The following NCKAP1 variants were observed in gnomAD, a reference collection of about 807,000 sequenced individuals.
The protein encoded by NCKAP1 is nck-associated protein 1.
A neutral mutation model predicts 151.2 loss-of-function variants in NCKAP1; 21 were observed. That is an observed-to-expected ratio of 0.14 (90% CI 0.10 to 0.20). The LOEUF (loss-of-function observed/expected upper bound fraction) is 0.20, where lower values mean the gene tolerates loss of function less well. Among genes scored for constraint, NCKAP1 ranks in the 10% least tolerant of loss-of-function variants. NCKAP1 has a pLI of 1.00. For synonymous variants in NCKAP1, 484 were observed against 451.8 expected (o/e 1.07, Z -0.90); for missense variants, 933 against 1,352.1 (o/e 0.69, Z 4.86).
At chr2:182,942,471 A>T (rs1248014860) in intron 23 of NCKAP1, among the ~76,000 whole-genome samples, 1 of 152,122 alleles carries the variant, frequency 6.6e-6, no homozygotes, top group Non-Finnish European at 1.5e-5. Flanking sequence ...AATAAAAAGT[A>T]GACACTAAAA....
At chr2:182,955,618 G>T (rs991589759) in intron 20 of NCKAP1, among the ~76,000 whole-genome samples, 2 of 152,050 alleles carry the variant, frequency 1.3e-5, no homozygotes, top group Non-Finnish European at 1.5e-5. Flanking sequence ...AACATGTAAG[G>T]GTTCATCTAG....
chr2:182,979,024 AT>A, intron 13 of NCKAP1, 109 bp from the exon 14 acceptor site: 1 of 505,624 alleles, frequency 2.0e-6, no homozygotes, highest in Non-Finnish European at 3.5e-6. Flanking sequence ...ACTATGGAAT[AT>A]TTTTCAGTAA....
At chr2:183,009,475 G>GAAGCAAGGAAGCAAGC (rs1698548694) in intron 2 of NCKAP1, among the ~76,000 whole-genome samples, 2 of 100,226 alleles carry the variant, frequency 2.0e-5, no homozygotes, top group African/African-American at 8.2e-5. Flanking sequence ...AGGAAGGAAG[G>GAAGCAAGGAAGCAAGC]AAGCAAGCAA....
intron 1 of NCKAP1, among the ~76,000 whole-genome samples, chr2:183,029,074 G>A (rs1033233400): frequency 6.6e-5 from 10 of 151,900 alleles, no homozygotes; most frequent in South Asian, 2.1e-4. Flanking sequence ...CCAAGATCGC[G>A]CCACTGCACT....
intron 2 of NCKAP1, among the ~76,000 whole-genome samples, chr2:183,010,440 C>T (rs1350382218): frequency 1.3e-5 from 2 of 152,208 alleles, no homozygotes; most frequent in Non-Finnish European, 2.9e-5. Flanking sequence ...AACCTAAAAC[C>T]AGTGAGACCA....
chr2:182,935,651 A>G lies in NCKAP1; in HGVS notation c.2696-276T>C, dbSNP rs547928024. On this transcript the variant is annotated intron_variant, in intron 24 of 30. Coordinates refer to ENST00000361354, the MANE Select transcript of NCKAP1 (RefSeq NM_013436.5). ...GATGGTTCACAAGTAGCTAACTATAAATTATATTTATAATATAACTTTATA... is the reference window on the plus strand; with the variant it reads ...GATGGTTCACAAGTAGCTAACTATAGATTATATTTATAATATAACTTTATA... 1.7e-5 allele frequency: 3 copies of G among 177,362 alleles called. No homozygotes were observed. The East Asian group carries it at 4.1e-4, about 24-fold the overall frequency. The allele number at this position is 177,362 out of a possible 1,614,324, so 11.0% of individuals were successfully genotyped here. A position where few individuals can be genotyped will look rare whatever the true frequency, so the allele number is the denominator to read the frequency against.
chr2:182,926,928 A>T, intron 29 of NCKAP1, 23 bp from the exon 30 acceptor site: 1 of 1,490,678 alleles, frequency 6.7e-7, no homozygotes, highest in Non-Finnish European at 9.2e-7. Context: ...CATACACATA[A>T]AGTGAGTTTG....
intron 18 of NCKAP1, among the ~76,000 whole-genome samples, chr2:182,958,787 T>C (rs1276763334): frequency 6.6e-6 from 1 of 152,032 alleles, no homozygotes; most frequent in Non-Finnish European, 1.5e-5. Context: ...AGCAGGCAAA[T>C]GAGAAATAAG....
At chr2:183,014,585 T>C (rs762963120) in intron 2 of NCKAP1, among the ~76,000 whole-genome samples, 11 of 152,238 alleles carry the variant, frequency 7.2e-5, no homozygotes, top group Admixed American at 5.9e-4. Flanking sequence ...GGACCATTAA[T>C]GTACCTATTT....
intron 2 of NCKAP1, among the ~76,000 whole-genome samples, chr2:183,007,411 C>A (rs1279326198): frequency 6.6e-6 from 1 of 152,122 alleles, no homozygotes; most frequent in Non-Finnish European, 1.5e-5. Flanking sequence ...GAAGCATTTT[C>A]CACACAAATA....
At chr2:182,984,167 A>G (rs1260905410) in intron 10 of NCKAP1, among the ~76,000 whole-genome samples, 1 of 152,196 alleles carries the variant, frequency 6.6e-6, no homozygotes, top group Non-Finnish European at 1.5e-5. Flanking sequence ...TATTAAATAT[A>G]CAAAACTGAA....
At position 182,925,534 on chromosome 2, in the gene NCKAP1, TA is replaced by T; in HGVS notation, c.*167del. On this transcript the variant is annotated 3_prime_UTR_variant, in exon 31 of 31. Transcript: ENST00000361354. ...ATGTGCAACCTAAATCAACCAAGTATACTGTAGTACAACCATATTAAGAAAC... is the reference window on the plus strand; with the variant it reads ...ATGTGCAACCTAAATCAACCAAGTATCTGTAGTACAACCATATTAAGAAAC... The T allele has an allele frequency of 5.1e-6, 2 of 394,666 alleles. No individual in the cohort carries two copies. Among genetic ancestry groups the T allele is most frequent in the Non-Finnish European group, 4.7e-6 (1 of 211,798 alleles). 24.4% of individuals were successfully genotyped at this position (394,666 alleles called of 1,614,324 possible). A position where few individuals can be genotyped will look rare whatever the true frequency, so the allele number is the denominator to read the frequency against.
chr2:182,946,702 T>G (rs138102661), intron 23 of NCKAP1, among the ~76,000 whole-genome samples: 366 of 123,670 alleles, frequency 3.0e-3, no homozygotes, highest in Admixed American at 6.5e-3. Flanking sequence ...AGAAATCCAC[T>G]CAAGTCAGAG....
At position 182,915,169 on chromosome 2, in the gene NCKAP1, A is replaced by C. The variant is rs1696447698; in HGVS notation, c.*10533T>G. The C allele has an allele frequency of 6.6e-6, 1 of 152,250 alleles. No individual in the cohort carries two copies. Among genetic ancestry groups the C allele is most frequent in the African/African-American group, 2.4e-5 (1 of 41,474 alleles). The allele number at this position is 152,250 out of a possible 1,614,324, so 9.4% of individuals were successfully genotyped here. Reference sequence around the variant, plus strand: ...ATACAATGAAGTTAATAAATGAAGCAAAGCAGATTTCTAGACTAGGCTTCA... The same window carrying C: ...ATACAATGAAGTTAATAAATGAAGCCAAGCAGATTTCTAGACTAGGCTTCA... On this transcript the variant is annotated 3_prime_UTR_variant, in exon 31 of 31. Coordinates refer to ENST00000361354, the MANE Select transcript of NCKAP1 (RefSeq NM_013436.5).
intron 1 of NCKAP1, among the ~76,000 whole-genome samples, chr2:183,031,943 C>T (rs960924141): frequency 6.6e-6 from 1 of 151,976 alleles, no homozygotes; most frequent in Non-Finnish European, 1.5e-5. Context: ...TAGTTATAAC[C>T]CAGACAACTA....
At position 182,982,805 on chromosome 2, in the gene NCKAP1, A is replaced by G; in HGVS notation, c.1208+16T>C. 1 of 1,525,832 alleles carries G rather than the reference A, an allele frequency of 6.6e-7. No individual in the cohort carries two copies. 94.5% of individuals were successfully genotyped at this position (1,525,832 alleles called of 1,614,324 possible). On this transcript the variant is annotated intron_variant, in intron 12 of 30. Transcript: ENST00000361354. Reference sequence around the variant, plus strand: ...TCTATATACAGAAAATATTTTTTTAAATGTTGCTAACTTACTTATCTATAA... The same window carrying G: ...TCTATATACAGAAAATATTTTTTTAGATGTTGCTAACTTACTTATCTATAA...
At chr2:183,009,497 A>AGCAG (rs1698550724) in intron 2 of NCKAP1, among the ~76,000 whole-genome samples, 1 of 149,272 alleles carries the variant, frequency 6.7e-6, no homozygotes, top group Admixed American at 6.8e-5. Context: ...CAAGCAGGCA[A>AGCAG]GCAAGCAAGG....
intron 2 of NCKAP1, among the ~76,000 whole-genome samples, chr2:183,008,174 C>T (rs1698516805): frequency 6.6e-6 from 1 of 152,072 alleles, no homozygotes; most frequent in South Asian, 2.1e-4. Flanking sequence ...GTGATCCGCC[C>T]GCCTCGGCCT....
chr2:182,986,090 A>G, intron 10 of NCKAP1, 81 bp downstream of exon 10: 2 of 1,286,196 alleles, frequency 1.6e-6, no homozygotes, highest in South Asian at 2.5e-5. Flanking sequence ...GCATACTATT[A>G]ATCTGTACTC....
Sources: allele counts gnomAD v4.1 joint callset (sites outside exome capture counted in the v4.1 genomes callset), GRCh38; gene constraint gnomAD v4.1.1; transcripts MANE v1.5; gene names NCBI Gene and HGNC (gene_info 2026-07-23, HGNC 2026-07-21).